FBXL18: variants seen among roughly 807,000 people sequenced by gnomAD.
FBXL18 encodes F-box and leucine rich repeat protein 18, also known as F-box/LRR-repeat protein 18.
In FBXL18, 36 loss-of-function variants were observed where a neutral mutation model predicts 46.0. The observed-to-expected ratio is 0.78, with a 90% CI of 0.60 to 1.03. FBXL18 has a LOEUF of 1.03. FBXL18 is among the 50% of genes least tolerant of loss of function. FBXL18 has a pLI of 0.00. For missense variants in FBXL18, 977 were observed against 1,004.1 expected, an observed-to-expected ratio of 0.97 and a Z score of 0.36; for synonymous variants, 557 against 465.3, an observed-to-expected ratio of 1.20 and a Z score of -2.54.
chr7:5,472,423 C>T (rs925737768), downstream of FBXL18, among the ~76,000 whole-genome samples: 2 of 152,190 alleles, frequency 1.3e-5, no homozygotes, highest in African/African-American at 4.8e-5. Context: ...AGCCAGGGCC[C>T]GTCCTTCTGG....
chr7:5,454,736 G>T (rs997126853), intron 4 of FBXL18, among the ~76,000 whole-genome samples: 1 of 152,160 alleles, frequency 6.6e-6, no homozygotes, highest in Non-Finnish European at 1.5e-5. Context: ...GGGAGCCGAG[G>T]ACAGGGACAC....
chr7:5,464,700 TAA>T lies in FBXL18; in HGVS notation c.2001-16859_2001-16858del, dbSNP rs11343614. Among the ~76,000 whole-genome samples the T allele has an allele frequency of 2.6e-3, 225 of 86,552 alleles. 1 individual carries two copies. Among genetic ancestry groups the T allele is most frequent in the Middle Eastern group, 0.016 (1 of 64 alleles). 56.8% of individuals were successfully genotyped at this position (86,552 alleles called of 152,430 possible). ...AAAAAAAAACACTAAGATGGTTAAT[TAA>T]AAAAAAAAAAAAAAGTGGGTGGGAG... is the stretch of plus-strand genomic sequence containing the variant. On this transcript the variant is annotated intron_variant and NMD_transcript_variant, in intron 4 of 6. Transcript: ENST00000415009.
At position 5,480,198 on chromosome 7, in the gene FBXL18, G is replaced by C. The variant is rs1783604065; in HGVS notation, c.*1577C>G. Among the ~76,000 whole-genome samples the C allele has an allele frequency of 6.6e-6, 1 of 152,204 alleles. No homozygotes were observed. The highest frequency in any genetic ancestry group is 2.1e-4 in the South Asian group (1 of 4,836). The stretch of plus-strand genomic sequence containing the variant: ...CACCACCCCACAGGACGGGGCATCT[G>C]TCACACGGAAACCCAGGAGGAGGAA... On this transcript the variant is annotated 3_prime_UTR_variant, in exon 5 of 5. Transcript: ENST00000382368.
chr7:5,459,712 C>A (rs1783217143), intron 4 of FBXL18, among the ~76,000 whole-genome samples: 1 of 150,950 alleles, frequency 6.6e-6, no homozygotes, highest in Admixed American at 6.6e-5. Context: ...TGCACTCCAG[C>A]CTGGGCAACA....
rs745600403 is a variant in FBXL18, at chr7:5,501,905, C to A, written c.364G>T (p.Val122Leu). 4.4e-6 allele frequency: 7 copies of A among 1,603,004 alleles called. No individual in the cohort carries two copies. Among genetic ancestry groups the A allele is most frequent in the Non-Finnish European group, 6.0e-6 (7 of 1,175,946 alleles). Reference protein sequence around the residue: ...VEHVARCRSLVKVNLSGCHLT... With the variant: ...VEHVARCRSLLKVNLSGCHLT... Reference sequence around the variant, plus strand: ...TGGCAGCCCGAGAGGTTCACCTTCACCAGGCTGCGGCAGCGGGCCACGTGT... The same window carrying A: ...TGGCAGCCCGAGAGGTTCACCTTCAACAGGCTGCGGCAGCGGGCCACGTGT... The change falls in exon 3 of 5, where the codon GTG (valine) becomes TTG (leucine). Residue 122 changes from valine to leucine, a missense_variant. Coordinates refer to ENST00000382368, the MANE Select transcript of FBXL18 (RefSeq NM_024963.6).
chr7:5,492,007 CCACGA>C (rs748644196), intron 3 of FBXL18, among the ~76,000 whole-genome samples: 1 of 151,404 alleles, frequency 6.6e-6, no homozygotes, highest in Non-Finnish European at 1.5e-5. Flanking sequence ...GCCACTTCAG[CCACGA>C]CAGATGGGAG....
chr7:5,487,167 C>T (rs986760664), intron 4 of FBXL18, among the ~76,000 whole-genome samples: 4 of 152,180 alleles, frequency 2.6e-5, no homozygotes, highest in Admixed American at 6.5e-5. Flanking sequence ...CAGGGAAGGC[C>T]GGTCAGACCC....
chr7:5,468,080 T>G (rs560811048), intron 4 of FBXL18, among the ~76,000 whole-genome samples: 23 of 151,934 alleles, frequency 1.5e-4, no homozygotes, highest in African/African-American at 5.5e-4. Context: ...CCTCCCGGGT[T>G]CAAGCAATTC....
chr7:5,482,004 A>G (rs971634213), intron 4 of FBXL18, 73 bp from the exon 5 acceptor site: 24 of 1,517,632 alleles, frequency 1.6e-5, no homozygotes, highest in Non-Finnish European at 2.0e-5. Context: ...GGGGAAGCCC[A>G]GGAGGCACTC....
At chr7:5,508,083 T>C (rs1022751752) in intron 1 of FBXL18, among the ~76,000 whole-genome samples, 3 of 151,646 alleles carry the variant, frequency 2.0e-5, no homozygotes, top group African/African-American at 7.3e-5. Flanking sequence ...CTGGCCAACA[T>C]AGTGAAACCC....
intron 3 of FBXL18, among the ~76,000 whole-genome samples, chr7:5,499,342 TGCTCTCTGAAACGACTGCTCTCTG>T: frequency 3.3e-4 from 1 of 3,032 alleles, no homozygotes; most frequent in East Asian, 0.012. Flanking sequence ...CTGAACCGAC[TGCTCTCTGAAACGACTGCTCTCTG>T]AACCGACTGC....
At chr7:5,492,763 T>C (rs906620770) in intron 3 of FBXL18, among the ~76,000 whole-genome samples, 5 of 152,056 alleles carry the variant, frequency 3.3e-5, no homozygotes, top group African/African-American at 9.7e-5. Flanking sequence ...AGGCAGAGAC[T>C]GGGGCCACGT....
intron 3 of FBXL18, among the ~76,000 whole-genome samples, chr7:5,493,902 G>C (rs1206073484): frequency 6.6e-6 from 1 of 152,056 alleles, no homozygotes; most frequent in Admixed American, 6.5e-5. Context: ...GGGAGGCTGA[G>C]GCAGGCGGAT....
intron 4 of FBXL18, among the ~76,000 whole-genome samples, chr7:5,482,350 C>G (rs1254493212): frequency 6.6e-6 from 1 of 152,218 alleles, no homozygotes; most frequent in Non-Finnish European, 1.5e-5. Flanking sequence ...CAGGTGCCCA[C>G]ACCCCACAGC....
At position 5,463,728 on chromosome 7, in the gene FBXL18, A is replaced by ATTTTTTTTT. The variant is rs552002078; in HGVS notation, c.2001-15894_2001-15886dup. ...TATTTATTTATTTATTTATTTATTT[A>ATTTTTTTTT]TTTTTTTTTTTTTTTTTTTTTTTTT... On this transcript the variant is annotated intron_variant and NMD_transcript_variant, in intron 4 of 6. Coordinates refer to the FBXL18 transcript ENST00000415009. 1.2e-3 allele frequency among the ~76,000 whole-genome samples: 64 copies of ATTTTTTTTT among 53,010 alleles called. 2 individuals carry two copies. The highest frequency in any genetic ancestry group is 2.1e-3 in the African/African-American group (27 of 12,564). The allele number at this position is 53,010 out of a possible 152,430, so 34.8% of individuals were successfully genotyped here.
At chr7:5,493,197 T>C (rs1234068829) in intron 3 of FBXL18, among the ~76,000 whole-genome samples, 1 of 152,140 alleles carries the variant, frequency 6.6e-6, no homozygotes, top group African/African-American at 2.4e-5. Context: ...TATCCAGCCA[T>C]GGTGGCACGC....
intron 2 of FBXL18, among the ~76,000 whole-genome samples, chr7:5,504,681 C>T (rs1250113048): frequency 1.3e-5 from 2 of 148,208 alleles, no homozygotes; most frequent in East Asian, 2.0e-4. Flanking sequence ...TTTGGGATGT[C>T]GAGGCGGGCA....
intron 4 of FBXL18, among the ~76,000 whole-genome samples, chr7:5,482,360 C>G (rs1467766756): frequency 6.6e-6 from 1 of 152,218 alleles, no homozygotes; most frequent in Admixed American, 6.5e-5. Flanking sequence ...CACCCCACAG[C>G]CGCAGGTGGG....
intron 2 of FBXL18, among the ~76,000 whole-genome samples, chr7:5,503,839 C>G (rs147559044): frequency 6.6e-6 from 1 of 151,834 alleles, no homozygotes; most frequent in Non-Finnish European, 1.5e-5. Flanking sequence ...TGGTGGCAGG[C>G]GCCTGTAATC....
Sources: allele counts gnomAD v4.1 joint callset (sites outside exome capture counted in the v4.1 genomes callset), GRCh38; gene constraint gnomAD v4.1.1; transcripts MANE v1.5; gene names NCBI Gene and HGNC (gene_info 2026-07-23, HGNC 2026-07-21).